The following GRID2 variants were observed in gnomAD, a reference collection of about 807,000 sequenced individuals.
The protein encoded by GRID2 is glutamate ionotropic receptor delta type subunit 2, also known as glutamate receptor ionotropic, delta-2.
Under a neutral mutation model 114.8 loss-of-function variants are expected in GRID2, and 33 were observed. The ratio of observed to expected loss-of-function variants is 0.29; its 90% CI spans 0.22 to 0.38. The LOEUF (loss-of-function observed/expected upper bound fraction) is 0.38, where lower values mean the gene tolerates loss of function less well. Among genes scored for constraint, GRID2 ranks in the 10% least tolerant of loss-of-function variants. GRID2 has a pLI of 1.00. For synonymous variants in GRID2, 505 were observed against 449.9 expected, an observed-to-expected ratio of 1.12 and a Z score of -1.55; for missense variants, 1,184 against 1,257.7, an observed-to-expected ratio of 0.94 and a Z score of 0.89.
At chr4:93,377,107 T>G (rs960035151) in intron 8 of GRID2, among the ~76,000 whole-genome samples, 2 of 152,200 alleles carry the variant, frequency 1.3e-5, no homozygotes, top group Non-Finnish European at 2.9e-5. Context: ...GTCTGCCATT[T>G]GTTTCAAATC....
chr4:92,725,313 A>G (rs1736017797), intron 2 of GRID2, among the ~76,000 whole-genome samples: 1 of 152,168 alleles, frequency 6.6e-6, no homozygotes, highest in South Asian at 2.1e-4. Context: ...GAATAAGGGA[A>G]TAAGGAGTTA....
intron 13 of GRID2, among the ~76,000 whole-genome samples, chr4:93,613,854 C>T (rs1162320617): frequency 1.3e-5 from 2 of 151,310 alleles, no homozygotes; most frequent in African/African-American, 2.4e-5. Context: ...TTCGAGCTTC[C>T]AGGCTGCTTT....
At position 93,355,766 on chromosome 4, in the gene GRID2, CA is replaced by C. The variant is rs565804270; in HGVS notation, c.1246-39835del. Among the ~76,000 whole-genome samples the C allele has an allele frequency of 1.7e-4, 26 of 152,102 alleles. No individual in the cohort carries two copies. The South Asian group carries it at 5.2e-3, about 30-fold the overall frequency. On this transcript the variant is annotated intron_variant, in intron 8 of 15. Coordinates refer to ENST00000282020, the MANE Select transcript of GRID2 (RefSeq NM_001510.4). Reference sequence around the variant, plus strand: ...AGAGCTCTGCAGGACCTCGCATCAGCAAAAAATATATTTGCCCTGAAAGTGA... The same window carrying C: ...AGAGCTCTGCAGGACCTCGCATCAGCAAAAATATATTTGCCCTGAAAGTGA...
intron 8 of GRID2, among the ~76,000 whole-genome samples, chr4:93,370,612 C>T (rs1762797862): frequency 6.6e-6 from 1 of 151,990 alleles, no homozygotes; most frequent in Admixed American, 6.6e-5. Flanking sequence ...TCAGAGTGTT[C>T]TTCCCTCTTT....
chr4:92,410,794 A>G (rs999410852), intron 1 of GRID2, among the ~76,000 whole-genome samples: 15 of 150,536 alleles, frequency 1.0e-4, no homozygotes, highest in African/African-American at 3.7e-4. Flanking sequence ...TGTGGTACAT[A>G]TCGGTGTAAT....
At chr4:92,585,294 T>A (rs896466545) in intron 1 of GRID2, among the ~76,000 whole-genome samples, 3 of 152,014 alleles carry the variant, frequency 2.0e-5, no homozygotes, top group Non-Finnish European at 1.5e-5. Context: ...GCATGTAGCA[T>A]CTTTGCTAAC....
intron 8 of GRID2, among the ~76,000 whole-genome samples, chr4:93,356,631 T>C (rs1761359749): frequency 6.6e-6 from 1 of 151,934 alleles, no homozygotes; most frequent in African/African-American, 2.4e-5. Context: ...CTCATATTTT[T>C]ATATGTTGTA....
At chr4:92,434,008 T>G (rs900612753) in intron 1 of GRID2, among the ~76,000 whole-genome samples, 5 of 152,226 alleles carry the variant, frequency 3.3e-5, no homozygotes, top group African/African-American at 9.6e-5. Flanking sequence ...ACTTTCAGTT[T>G]TCTATAAACC....
chr4:93,663,802 A>T (rs953772452), intron 14 of GRID2, among the ~76,000 whole-genome samples: 3 of 152,184 alleles, frequency 2.0e-5, no homozygotes, highest in African/African-American at 7.2e-5. Context: ...TCACATGAAA[A>T]ACTTATCATA....
chr4:92,757,056 C>A (rs1737752015), intron 2 of GRID2, among the ~76,000 whole-genome samples: 1 of 151,894 alleles, frequency 6.6e-6, no homozygotes, highest in African/African-American at 2.4e-5. Context: ...TTCTCTTATG[C>A]TTTCTTCTAG....
chr4:93,301,737 A>G (rs1754892631), intron 8 of GRID2, among the ~76,000 whole-genome samples: 1 of 152,186 alleles, frequency 6.6e-6, no homozygotes, highest in Non-Finnish European at 1.5e-5. Context: ...GTTATTTAAT[A>G]TATTTACAAT....
At chr4:93,005,590 A>G (rs1721431156) in intron 2 of GRID2, among the ~76,000 whole-genome samples, 1 of 152,104 alleles carries the variant, frequency 6.6e-6, no homozygotes, top group African/African-American at 2.4e-5. Flanking sequence ...GCAAATAAAT[A>G]CTTTTACATG....
chr4:93,200,643 T>C (rs1362211899), intron 4 of GRID2, among the ~76,000 whole-genome samples: 2 of 152,338 alleles, frequency 1.3e-5, no homozygotes, highest in African/African-American at 4.8e-5. Context: ...AAGTCATCTT[T>C]TGTTTTTGTT....
chr4:92,624,201 T>C (rs996244526), intron 2 of GRID2, among the ~76,000 whole-genome samples: 3 of 151,850 alleles, frequency 2.0e-5, no homozygotes, highest in African/African-American at 7.2e-5. Flanking sequence ...GTTTTAATTA[T>C]CCAAAGTATA....
chr4:92,515,818 G>C (rs938836595), intron 1 of GRID2, among the ~76,000 whole-genome samples: 1 of 151,828 alleles, frequency 6.6e-6, no homozygotes, highest in African/African-American at 2.4e-5. Flanking sequence ...TTTGTTTGTC[G>C]ATGTTACCTA....
chr4:93,383,646 C>A (rs889490828), intron 8 of GRID2, among the ~76,000 whole-genome samples: 1 of 152,090 alleles, frequency 6.6e-6, no homozygotes, highest in African/African-American at 2.4e-5. Flanking sequence ...CTGGGGAGAA[C>A]CAGCTGTAAT....
At position 93,152,457 on chromosome 4, in the gene GRID2, A is replaced by G. The variant is rs1001010593; in HGVS notation, c.735+41504A>G. The stretch of plus-strand genomic sequence containing the variant: ...CTTTTCCAGGAAAAGCATGAGATGA[A>G]ATAGGCTTGAGATATAATTTTACTA... On this transcript the variant is annotated intron_variant, in intron 4 of 15. Coordinates refer to ENST00000282020, the MANE Select transcript of GRID2 (RefSeq NM_001510.4). Among the ~76,000 whole-genome samples, 13 of 152,282 alleles carry G rather than the reference A, an allele frequency of 8.5e-5. No homozygotes were observed. In the South Asian group the frequency reaches 2.5e-3, roughly 29 times the overall value.
At chr4:92,831,247 T>G (rs1742079984) in intron 2 of GRID2, among the ~76,000 whole-genome samples, 1 of 152,156 alleles carries the variant, frequency 6.6e-6, no homozygotes, top group Admixed American at 6.5e-5. Context: ...AACAGAAATT[T>G]ACCAAAGAAC....
At position 93,119,466 on chromosome 4, in the gene GRID2, G is replaced by C. The variant is rs192287678; in HGVS notation, c.735+8513G>C. On this transcript the variant is annotated intron_variant, in intron 4 of 15. Coordinates refer to ENST00000282020, the MANE Select transcript of GRID2 (RefSeq NM_001510.4). The stretch of plus-strand genomic sequence containing the variant: ...GCCATGGTCTTTAGTGTTTGGGTTT[G>C]AGAAGATACGCCAATTCTTTGAAAG... Among the ~76,000 whole-genome samples, 17 of 152,236 alleles carry C rather than the reference G, an allele frequency of 1.1e-4. No homozygotes were observed. In the East Asian group the frequency reaches 2.9e-3, roughly 26 times the overall value.
Sources: gnomAD v4.1 joint callset for allele counts (sites outside exome capture counted in the v4.1 genomes callset) on GRCh38, gnomAD v4.1.1 for gene constraint, MANE v1.5 for transcripts, NCBI Gene and HGNC (gene_info 2026-07-23, HGNC 2026-07-21) for gene names.